ARB2A: variants seen among roughly 807,000 people sequenced by gnomAD.
The protein encoded by ARB2A is cotranscriptional regulator ARB2A.
the ARB2A span, chr5:93,911,020 C>G: frequency 2.0e-5 from 3 of 151,510 alleles, no homozygotes. Flanking sequence ...ACAGCGTTCT[C>G]TAGCTTAACA....
At chr5:93,786,015 C>T in the ARB2A span, among the ~76,000 whole-genome samples, 138,604 of 152,202 alleles carry the variant, frequency 0.91, 63,485 homozygotes, top group East Asian at 1. Context: ...AGAAATTATA[C>T]GTCCTTATTC....
At chr5:93,623,786 G>C in the ARB2A span, among the ~76,000 whole-genome samples, 1 of 152,054 alleles carries the variant, frequency 6.6e-6, no homozygotes, top group Non-Finnish European at 1.5e-5. Flanking sequence ...ACAGAGAATG[G>C]GGTGGAAGGG....
chr5:93,933,768 T>C, the ARB2A span, among the ~76,000 whole-genome samples: 1 of 152,062 alleles, frequency 6.6e-6, no homozygotes, highest in Non-Finnish European at 1.5e-5. Flanking sequence ...AACCTGCATG[T>C]TCCGCACATG....
the ARB2A span, among the ~76,000 whole-genome samples, chr5:93,906,924 T>C: frequency 6.6e-6 from 1 of 151,566 alleles, no homozygotes; most frequent in Non-Finnish European, 1.5e-5. Flanking sequence ...TAATTCTCCC[T>C]TGCTGCCCTT....
chr5:94,000,471 G>A, the ARB2A span, among the ~76,000 whole-genome samples: 2 of 151,986 alleles, frequency 1.3e-5, no homozygotes, highest in Non-Finnish European at 2.9e-5. Context: ...CTTTAGTGAG[G>A]TGTCTGTTGA....
the ARB2A span, among the ~76,000 whole-genome samples, chr5:93,849,667 A>G: frequency 7.4e-4 from 113 of 152,328 alleles, no homozygotes; most frequent in African/African-American, 2.7e-3. Flanking sequence ...TAGATCAGAT[A>G]GTATTTTCAA....
the ARB2A span, among the ~76,000 whole-genome samples, chr5:93,826,681 G>A: frequency 1.5e-4 from 22 of 151,628 alleles, no homozygotes; most frequent in Non-Finnish European, 2.1e-4. Flanking sequence ...TGCCATGTTG[G>A]TGTGCTGCAC....
At chr5:94,086,034 G>A in the ARB2A span, among the ~76,000 whole-genome samples, 1 of 152,214 alleles carries the variant, frequency 6.6e-6, no homozygotes, top group African/African-American at 2.4e-5. Context: ...GAAGGCATGA[G>A]ATGGGAAGAA....
the ARB2A span, among the ~76,000 whole-genome samples, chr5:93,677,725 A>C: frequency 6.6e-6 from 1 of 152,210 alleles, no homozygotes; most frequent in Non-Finnish European, 1.5e-5. Flanking sequence ...TAATTCAGGA[A>C]AGGGCAAATG....
the ARB2A span, among the ~76,000 whole-genome samples, chr5:93,773,132 G>C: frequency 3.3e-5 from 5 of 152,324 alleles, no homozygotes; most frequent in South Asian, 1.0e-3. Flanking sequence ...CACTAGTAGA[G>C]GTCTTGCTTC....
At chr5:93,921,567 C>T in the ARB2A span, among the ~76,000 whole-genome samples, 1 of 151,578 alleles carries the variant, frequency 6.6e-6, no homozygotes, top group Non-Finnish European at 1.5e-5. Flanking sequence ...TTTTTTAATG[C>T]AGACAAAAGT....
the ARB2A span, among the ~76,000 whole-genome samples, chr5:93,957,748 ATTTC>A: frequency 6.6e-6 from 1 of 152,010 alleles, no homozygotes; most frequent in African/African-American, 2.4e-5. Context: ...TTCATTTCTC[ATTTC>A]TGAGTTAACA....
At chr5:93,804,357 C>T in the ARB2A span, among the ~76,000 whole-genome samples, 1 of 151,932 alleles carries the variant, frequency 6.6e-6, no homozygotes, top group Non-Finnish European at 1.5e-5. Flanking sequence ...ATCATATCTG[C>T]AAGGATTATT....
chr5:93,741,033 C>T, the ARB2A span: 1 of 1,613,898 alleles, frequency 6.2e-7, no homozygotes, highest in Non-Finnish European at 8.5e-7. Flanking sequence ...GCAGCTTCCA[C>T]ATGTTGGCGA....
chr5:93,652,094 T>C, the ARB2A span, among the ~76,000 whole-genome samples: 1 of 152,132 alleles, frequency 6.6e-6, no homozygotes, highest in African/African-American at 2.4e-5. Context: ...ATATCAATAA[T>C]GACAGGAAAT....
the ARB2A span, among the ~76,000 whole-genome samples, chr5:93,939,642 A>G: frequency 6.6e-6 from 1 of 152,110 alleles, no homozygotes; most frequent in Non-Finnish European, 1.5e-5. Flanking sequence ...AAATATTCAT[A>G]TCATTTATCA....
the ARB2A span, among the ~76,000 whole-genome samples, chr5:93,841,313 C>T: frequency 6.6e-6 from 1 of 152,052 alleles, no homozygotes; most frequent in Non-Finnish European, 1.5e-5. Flanking sequence ...CATGGCCAGA[C>T]TTTATTTTCT....
chr5:93,877,978 A>G, the ARB2A span, among the ~76,000 whole-genome samples: 3 of 152,170 alleles, frequency 2.0e-5, no homozygotes, highest in African/African-American at 7.2e-5. Flanking sequence ...TAATTTTAGC[A>G]GTATAATGAC....
the ARB2A span, among the ~76,000 whole-genome samples, chr5:93,762,731 C>A: frequency 1.3e-5 from 2 of 152,110 alleles, no homozygotes; most frequent in Non-Finnish European, 2.9e-5. Flanking sequence ...AGAAGAGCAA[C>A]TCCAAGACAC....
Sources: allele counts gnomAD v4.1 joint callset (sites outside exome capture counted in the v4.1 genomes callset), GRCh38; gene constraint gnomAD v4.1.1; transcripts MANE v1.5; gene names NCBI Gene and HGNC (gene_info 2026-07-23, HGNC 2026-07-21).